CHRM3: variants seen among roughly 807,000 people sequenced by gnomAD.
CHRM3 encodes muscarinic acetylcholine receptor M3.
CHRM3 carries 11 observed loss-of-function variants against 41.8 expected under a neutral mutation model. The observed-to-expected ratio is 0.26, with a 90% CI of 0.17 to 0.44. CHRM3 has a LOEUF of 0.44. Ranked by LOEUF, CHRM3 falls within the 20% of genes least tolerant of loss-of-function variation. The pLI, the probability that CHRM3 is intolerant of heterozygous loss-of-function variation, is 1.00. For missense variants in CHRM3, 571 were observed against 745.4 expected (o/e 0.77, Z 2.72); for synonymous variants, 297 against 301.4 (o/e 0.99, Z 0.15).
At chr1:239,718,856 G>A (rs1662654031) in intron 5 of CHRM3, 1 of 151,940 alleles carries the variant, frequency 6.6e-6, no homozygotes, top group Non-Finnish European at 1.5e-5. Context: ...TTATACGCAA[G>A]GCTGAAGAAG....
chr1:239,672,571 C>A (rs778927603), intron 4 of CHRM3, among the ~76,000 whole-genome samples: 31 of 149,116 alleles, frequency 2.1e-4, no homozygotes, highest in Non-Finnish European at 3.0e-5. Context: ...TTCCTGAGTT[C>A]ATTTAAACCA....
chr1:239,696,339 G>A (rs1205301243), intron 5 of CHRM3, among the ~76,000 whole-genome samples: 1 of 152,136 alleles, frequency 6.6e-6, no homozygotes, highest in Non-Finnish European at 1.5e-5. Context: ...TTTGTAAACT[G>A]TAAAGTACTA....
chr1:239,850,643 G>A (rs1281721608), intron 6 of CHRM3, among the ~76,000 whole-genome samples: 10 of 152,198 alleles, frequency 6.6e-5, no homozygotes, highest in Admixed American at 2.0e-4. Flanking sequence ...CACGTGTTTC[G>A]GGAGGGACCT....
chr1:239,561,017 T>C (rs1660805940), intron 3 of CHRM3, among the ~76,000 whole-genome samples: 1 of 152,178 alleles, frequency 6.6e-6, no homozygotes, highest in African/African-American at 2.4e-5. Context: ...GTCGGTTTTA[T>C]TGAATCAGTC....
chr1:239,442,180 C>G (rs1287888836), intron 1 of CHRM3, among the ~76,000 whole-genome samples: 1 of 151,338 alleles, frequency 6.6e-6, no homozygotes, highest in Non-Finnish European at 1.5e-5. Context: ...ATTCTCGGCT[C>G]ACTGCAGCCT....
At chr1:239,474,123 A>C (rs961756067) in intron 1 of CHRM3, among the ~76,000 whole-genome samples, 1 of 152,086 alleles carries the variant, frequency 6.6e-6, no homozygotes, top group Admixed American at 6.5e-5. Context: ...ATAAAATTAA[A>C]ATCAACCATA....
At chr1:239,756,223 T>C (rs1222476015) in intron 5 of CHRM3, among the ~76,000 whole-genome samples, 2 of 152,166 alleles carry the variant, frequency 1.3e-5, no homozygotes. Context: ...AATCTCACTA[T>C]AACGTACAGA....
chr1:239,414,699 G>C (rs1661361956), intron 1 of CHRM3, among the ~76,000 whole-genome samples: 2 of 152,212 alleles, frequency 1.3e-5, no homozygotes, highest in Non-Finnish European at 2.9e-5. Flanking sequence ...TGTAGAAATT[G>C]AATATGCATT....
intron 6 of CHRM3, among the ~76,000 whole-genome samples, chr1:239,862,340 G>C (rs1364984614): frequency 1.3e-5 from 2 of 152,100 alleles, no homozygotes; most frequent in Admixed American, 1.3e-4. Context: ...TTAACTTCTT[G>C]AACAATCATC....
At chr1:239,617,921 T>C (rs73122675) in intron 3 of CHRM3, among the ~76,000 whole-genome samples, 4,924 of 152,216 alleles carry the variant, frequency 0.032, 279 homozygotes, top group African/African-American at 0.11. Context: ...CTACTTTAAA[T>C]AGCATTTGGT....
chr1:239,882,608 A>G (rs536477), intron 6 of CHRM3, among the ~76,000 whole-genome samples: 75,990 of 152,100 alleles, frequency 0.5, 20,573 homozygotes, highest in East Asian at 0.64. Flanking sequence ...GAGATTTAGG[A>G]AAAGATGTGA....
At chr1:239,860,149 C>T (rs1470686403) in intron 6 of CHRM3, among the ~76,000 whole-genome samples, 1 of 152,098 alleles carries the variant, frequency 6.6e-6, no homozygotes, top group Non-Finnish European at 1.5e-5. Flanking sequence ...TGGAGCTGAA[C>T]ACTAAACTCA....
At chr1:239,727,189 A>G (rs1259434922) in intron 5 of CHRM3, among the ~76,000 whole-genome samples, 2 of 151,974 alleles carry the variant, frequency 1.3e-5, no homozygotes, top group Non-Finnish European at 2.9e-5. Flanking sequence ...GTCATGTTTC[A>G]ATGCAGTTCT....
chr1:239,767,628 G>A (rs1667330638), intron 5 of CHRM3, among the ~76,000 whole-genome samples: 1 of 152,252 alleles, frequency 6.6e-6, no homozygotes, highest in Admixed American at 6.5e-5. Flanking sequence ...AGTATATGTA[G>A]AGCATGAATA....
At position 239,907,802 on chromosome 1, in the gene CHRM3, C is replaced by T. The variant is rs201982390; in HGVS notation, c.351C>T (p.Ile117=). The part of the protein sequence containing the change: ...LLSLACADLI[I]GVISMNLFTT... ...GCCTGGCCTGTGCCGATCTGATTAT[C>T]GGGGTCATTTCAATGAATCTGTTTA... Residue 117 remains isoleucine, a synonymous_variant, in exon 7 of 7, where the codon ATC becomes ATT. Coordinates refer to ENST00000676153, the MANE Select transcript of CHRM3 (RefSeq NM_001375978.1). The surrounding 1 kb of genome is among the most constrained non-coding windows in gnomAD (Gnocchi z 5.4). The T allele has an allele frequency of 1.4e-5, 22 of 1,614,188 alleles. No individual in the cohort carries two copies. In the East Asian group the frequency reaches 4.0e-4, roughly 29 times the overall value.
At chr1:239,666,990 C>T (rs540419504) in intron 4 of CHRM3, among the ~76,000 whole-genome samples, 15 of 152,250 alleles carry the variant, frequency 9.9e-5, no homozygotes, top group East Asian at 3.9e-4. Flanking sequence ...TTGCAGCAAA[C>T]GACACGATTT....
chr1:239,394,469 G>C (rs763699895), intron 1 of CHRM3, among the ~76,000 whole-genome samples: 8 of 152,176 alleles, frequency 5.3e-5, no homozygotes, highest in Non-Finnish European at 1.0e-4. Context: ...CCTTTCAAGA[G>C]CTTTAACTTC....
intron 5 of CHRM3, among the ~76,000 whole-genome samples, chr1:239,806,821 A>T (rs1043084567): frequency 1.3e-5 from 2 of 152,198 alleles, no homozygotes; most frequent in Non-Finnish European, 2.9e-5. Flanking sequence ...CTGGAAGAAG[A>T]GATAGAGTAT....
At chr1:239,858,589 T>C (rs542219186) in intron 6 of CHRM3, among the ~76,000 whole-genome samples, 2 of 152,176 alleles carry the variant, frequency 1.3e-5, no homozygotes, top group African/African-American at 4.8e-5. Context: ...TTTGTTTGGT[T>C]TTTTAAGGTA....
Sources: gnomAD v4.1 joint callset for allele counts (sites outside exome capture counted in the v4.1 genomes callset) on GRCh38, gnomAD v4.1.1 for gene constraint, Gnocchi (gnomAD v3.1) non-coding constraint, MANE v1.5 for transcripts, NCBI Gene and HGNC (gene_info 2026-07-23, HGNC 2026-07-21) for gene names.